The following MFF variants were observed in gnomAD, a reference collection of about 807,000 sequenced individuals.
The protein encoded by MFF is mitochondrial fission factor.
In MFF, 12 loss-of-function variants were observed where a neutral mutation model predicts 36.9. The ratio of observed to expected loss-of-function variants is 0.33; its 90% CI spans 0.21 to 0.53. The LOEUF is 0.53. MFF is among the 20% of genes least tolerant of loss of function. The pLI, the probability that MFF is intolerant of heterozygous loss-of-function variation, is 0.95. For missense variants in MFF, 348 were observed against 366.6 expected (o/e 0.95, Z 0.42); for synonymous variants, 99 against 126.2 (o/e 0.78, Z 1.44).
At chr2:227,330,869 G>T (rs762569147) in intron 3 of MFF, 23 bp downstream of exon 3, 4 of 1,467,482 alleles carry the variant, frequency 2.7e-6, no homozygotes, top group African/African-American at 1.7e-5. Flanking sequence ...TACTTAGAAG[G>T]TTGCCTGTTA....
intron 4 of MFF, among the ~76,000 whole-genome samples, chr2:227,333,249 G>A (rs543952073): frequency 5.3e-4 from 80 of 152,292 alleles, no homozygotes; most frequent in African/African-American, 1.8e-3. Flanking sequence ...TATTAATAAT[G>A]GTACTGCTTG....
At position 227,342,811 on chromosome 2, in the gene MFF, G is replaced by A. The variant is rs367621130; in HGVS notation, c.440+2431G>A. The A allele has an allele frequency of 7.4e-6, 12 of 1,613,110 alleles. No individual in the cohort carries two copies. The East Asian group carries it at 1.8e-4, about 24-fold the overall frequency. On this transcript the variant is annotated intron_variant, in intron 5 of 8. Transcript: ENST00000304593. ...GGTTCCAGGCACCGATTTCTGCACC[G>A]GAGTACACGTAAGATTTTATCTGCT...
intron 5 of MFF, chr2:227,346,936 G>A (rs2075743396): frequency 4.5e-6 from 1 of 222,830 alleles, no homozygotes; most frequent in African/African-American, 2.3e-5. Context: ...TTCTCCATGG[G>A]AGGGGTTGAA....
chr2:227,336,617 A>C (rs574346463), intron 4 of MFF, among the ~76,000 whole-genome samples: 1 of 152,254 alleles, frequency 6.6e-6, no homozygotes, highest in Non-Finnish European at 1.5e-5. Context: ...CATCCTCCAC[A>C]GGATGCCAAA....
intron 3 of MFF, among the ~76,000 whole-genome samples, chr2:227,331,490 T>G (rs556875221): frequency 1.3e-5 from 2 of 152,370 alleles, no homozygotes; most frequent in Admixed American, 1.3e-4. Flanking sequence ...CAGGTTCAAG[T>G]CTTTGTGAGG....
At chr2:227,328,278 C>T (rs2074311059) in intron 1 of MFF, among the ~76,000 whole-genome samples, 1 of 109,806 alleles carries the variant, frequency 9.1e-6, no homozygotes, top group Non-Finnish European at 1.7e-5. Context: ...AGCTCCATTG[C>T]AATCTAGCCC....
chr2:227,356,243 T>C (rs1193393282), intron 8 of MFF, among the ~76,000 whole-genome samples: 1 of 152,198 alleles, frequency 6.6e-6, no homozygotes, highest in East Asian at 1.9e-4. Context: ...TACACACATG[T>C]GAAGAAGGCA....
intron 4 of MFF, 35 bp downstream of exon 4, chr2:227,332,623 T>A: frequency 6.6e-7 from 1 of 1,520,824 alleles, no homozygotes; most frequent in South Asian, 1.2e-5. Context: ...GAATTTGAAA[T>A]AATGTAGACA....
intron 5 of MFF, among the ~76,000 whole-genome samples, chr2:227,343,268 C>T (rs2075514974): frequency 6.6e-6 from 1 of 151,768 alleles, no homozygotes; most frequent in South Asian, 2.1e-4. Flanking sequence ...TTTTATAATC[C>T]CATAGATGAA....
chr2:227,329,591 CT>C, intron 2 of MFF: 1 of 512,168 alleles, frequency 2.0e-6, no homozygotes, highest in Non-Finnish European at 3.4e-6. Context: ...GATTTTTATT[CT>C]TTCTTTTTTA....
At chr2:227,329,870 C>A in intron 2 of MFF, 4 of 827,460 alleles carry the variant, frequency 4.8e-6, no homozygotes, top group South Asian at 3.6e-5. Context: ...TAACCATGCT[C>A]TTTTACATTT....
chr2:227,330,579 A>G, intron 2 of MFF, 47 bp from the exon 3 acceptor site: 1 of 1,241,732 alleles, frequency 8.1e-7, no homozygotes, highest in Non-Finnish European at 1.1e-6. Context: ...CGTAGAGGAG[A>G]CTGACATTTT....
chr2:227,330,412 A>G (rs2074484866), intron 2 of MFF: 4 of 534,656 alleles, frequency 7.5e-6, no homozygotes, highest in Non-Finnish European at 1.3e-5. Flanking sequence ...CCTAAGCAAT[A>G]TCCTCAAGGT....
chr2:227,336,467 A>T (rs1245081686), intron 4 of MFF, among the ~76,000 whole-genome samples: 2 of 152,242 alleles, frequency 1.3e-5, no homozygotes, highest in Non-Finnish European at 2.9e-5. Flanking sequence ...ATAGTTAGGA[A>T]TTAATCTGGA....
At chr2:227,332,660 T>G in intron 4 of MFF, 72 bp downstream of exon 4, 8 of 1,119,880 alleles carry the variant, frequency 7.1e-6, no homozygotes, top group Non-Finnish European at 1.0e-5. Context: ...GCAAAGAGGC[T>G]TTATCATATC....
At chr2:227,349,090 TGA>T (rs1023542542) in intron 6 of MFF, among the ~76,000 whole-genome samples, 6 of 152,066 alleles carry the variant, frequency 3.9e-5, no homozygotes, top group Non-Finnish European at 1.5e-5. Context: ...AATATCTGAA[TGA>T]GAGAGATATT....
intron 1 of MFF, among the ~76,000 whole-genome samples, chr2:227,327,934 T>G (rs1305450754): frequency 6.6e-6 from 1 of 152,136 alleles, no homozygotes; most frequent in Non-Finnish European, 1.5e-5. Context: ...TGCACAAAAA[T>G]TGATTATAAA....
chr2:227,349,914 G>A (rs1331070181), intron 6 of MFF, among the ~76,000 whole-genome samples: 1 of 151,952 alleles, frequency 6.6e-6, no homozygotes, highest in Non-Finnish European at 1.5e-5. Context: ...CATCACATTA[G>A]GTGTAGTTAA....
chr2:227,356,627 CG>C (rs2076270702), intron 8 of MFF, among the ~76,000 whole-genome samples: 1 of 152,064 alleles, frequency 6.6e-6, no homozygotes, highest in African/African-American at 2.4e-5. Context: ...GAAGGAGTCC[CG>C]TATTCTTTCT....
Sources: gnomAD v4.1 joint callset for allele counts (sites outside exome capture counted in the v4.1 genomes callset) on GRCh38, gnomAD v4.1.1 for gene constraint, MANE v1.5 for transcripts, NCBI Gene and HGNC (gene_info 2026-07-23, HGNC 2026-07-21) for gene names.